The following RTN3 variants were observed in gnomAD, a reference collection of about 807,000 sequenced individuals.
RTN3 encodes the protein reticulon 3, also known as reticulon-3.
RTN3 carries 49 observed loss-of-function variants against 77.8 expected under a neutral mutation model. The observed-to-expected ratio is 0.63, with a 90% CI of 0.50 to 0.80. The LOEUF is 0.80. Among genes scored for constraint, RTN3 ranks in the 30% least tolerant of loss-of-function variants. The pLI is 0.00. For missense variants in RTN3, 1,236 were observed against 1,211.9 expected, an observed-to-expected ratio of 1.02 and a Z score of -0.29; for synonymous variants, 464 against 446.9, an observed-to-expected ratio of 1.04 and a Z score of -0.48.
rs1038484487 is a variant in RTN3, at chr11:63,733,784, G to A, written c.2530+12752G>A. Among the ~76,000 whole-genome samples, 6 of 151,666 alleles carry A rather than the reference G, an allele frequency of 4.0e-5. No individual in the cohort carries two copies. The East Asian group carries it at 5.8e-4, about 15-fold the overall frequency. On this transcript the variant is annotated intron_variant, in intron 3 of 8. Transcript: ENST00000377819. Reference sequence around the variant, plus strand: ...TGTGTGTCTGTAGTCCCAGCTACTCGGGAGGCTGAGGCAGGAGGATTGCTT... The same window carrying A: ...TGTGTGTCTGTAGTCCCAGCTACTCAGGAGGCTGAGGCAGGAGGATTGCTT...
At chr11:63,712,172 T>C (rs1178477280) in intron 2 of RTN3, among the ~76,000 whole-genome samples, 1 of 152,208 alleles carries the variant, frequency 6.6e-6, no homozygotes, top group African/African-American at 2.4e-5. Context: ...TGTCTAAAGC[T>C]CTACATGAGG....
At chr11:63,728,819 G>A (rs1214303544) in intron 3 of RTN3, among the ~76,000 whole-genome samples, 1 of 151,530 alleles carries the variant, frequency 6.6e-6, no homozygotes, top group African/African-American at 2.4e-5. Context: ...CCCAGGAGGC[G>A]GAGGTTGCAG....
chr11:63,685,920 C>G (rs2134611125), intron 1 of RTN3, among the ~76,000 whole-genome samples: 1 of 152,220 alleles, frequency 6.6e-6, no homozygotes, highest in South Asian at 2.1e-4. Context: ...ACTTTAGTGC[C>G]TTAGGTTCTA....
intron 2 of RTN3, among the ~76,000 whole-genome samples, chr11:63,710,420 AAG>A (rs1942695507): frequency 6.6e-6 from 1 of 152,142 alleles, no homozygotes; most frequent in Non-Finnish European, 1.5e-5. Context: ...CTAGGCATAA[AAG>A]AGAGAAATTT....
In RTN3 at chr11:63,719,462, A is replaced by G. The variant is rs1211759428; in HGVS notation, c.960A>G (p.Ala320=). 3 of 1,614,198 alleles carry G rather than the reference A, an allele frequency of 1.9e-6. No individual in the cohort carries two copies. In the South Asian group the frequency reaches 3.3e-5, roughly 18 times the overall value. Reference sequence around the variant, plus strand: ...GTAGGCAGTTTTCACACACAAATGCAGCACTGGAAGAGGTGTCCAGATGCG... The same window carrying G: ...GTAGGCAGTTTTCACACACAAATGCGGCACTGGAAGAGGTGTCCAGATGCG... The part of the protein sequence containing the change: ...LLSRQFSHTN[A]ALEEVSRCVN... The change falls in exon 3 of 9, where the codon GCA becomes GCG. Residue 320 remains alanine, a synonymous_variant. Transcript: ENST00000377819.
At chr11:63,696,857 TTTTCTTTCTTTC>T (rs1272351873) in intron 1 of RTN3, among the ~76,000 whole-genome samples, 2 of 92,214 alleles carry the variant, frequency 2.2e-5, no homozygotes, top group Non-Finnish European at 3.9e-5. Context: ...CCTGTTGCTA[TTTTCTTTCTTTC>T]TTTCTTTCTT....
intron 3 of RTN3, among the ~76,000 whole-genome samples, chr11:63,740,924 T>G (rs1457531845): frequency 6.6e-6 from 1 of 152,192 alleles, no homozygotes; most frequent in Non-Finnish European, 1.5e-5. Flanking sequence ...CACTTAATCC[T>G]GGCAACATCC....
At position 63,753,647 on chromosome 11, in the gene RTN3, G is replaced by T. The variant is rs764149663; in HGVS notation, c.2948-15G>T. On this transcript the variant is annotated splice_polypyrimidine_tract_variant and intron_variant, in intron 6 of 8. Transcript: ENST00000377819. ...CTCATATACACTTGCCATGTCCCAT[G>T]ATTCTGTCTTACAGCTGAACTGCTC... is the stretch of plus-strand genomic sequence containing the variant. 6 of 1,612,052 alleles carry T rather than the reference G, an allele frequency of 3.7e-6. No homozygotes were observed. The highest frequency in any genetic ancestry group is 5.1e-6 in the Non-Finnish European group (6 of 1,178,310).
At position 63,681,559 on chromosome 11, in the gene RTN3, CCGGATTATTCTATTTCCCCT is replaced by C. The variant is rs1941036627; in HGVS notation, c.-76_-57del. On this transcript the variant is annotated 5_prime_UTR_variant, in exon 1 of 9. Coordinates refer to ENST00000377819, the MANE Select transcript of RTN3 (RefSeq NM_001265589.2). ...TAAAGGGACTTGAGCGAGCCAGTTG[CCGGATTATTCTATTTCCCCT>C]CCCTCTCTCCCGCCCCGTATCTCTT... The C allele has an allele frequency of 1.4e-6, 2 of 1,421,986 alleles. No homozygotes were observed. Among genetic ancestry groups the C allele is most frequent in the South Asian group, 2.8e-5 (2 of 70,720 alleles). The allele number at this position is 1,421,986 out of a possible 1,614,324, so 88.1% of individuals were successfully genotyped here.
chr11:63,696,953 T>G (rs2134680662), intron 1 of RTN3, among the ~76,000 whole-genome samples: 1 of 134,208 alleles, frequency 7.5e-6, no homozygotes, highest in Non-Finnish European at 1.5e-5. Context: ...GGCGTGATCT[T>G]GGCTCACGGC....
intron 1 of RTN3, among the ~76,000 whole-genome samples, chr11:63,691,500 T>G (rs1941656798): frequency 6.6e-6 from 1 of 152,136 alleles, no homozygotes; most frequent in Non-Finnish European, 1.5e-5. Flanking sequence ...CAAGCGATCC[T>G]CCTGCCTTAG....
At position 63,720,115 on chromosome 11, in the gene RTN3, A is replaced by C; in HGVS notation, c.1613A>C (p.Glu538Ala). The C allele has an allele frequency of 6.2e-7, 1 of 1,613,038 alleles. No homozygotes were observed. Among genetic ancestry groups the C allele is most frequent in the Non-Finnish European group, 8.5e-7 (1 of 1,179,708 alleles). ...PSAVVKTGER[E>A]IKEIPSCERE... is the part of the protein sequence containing the mutation. Reference sequence around the variant, plus strand: ...GCTGTTGTAAAAACAGGTGAAAGAGAAATCAAAGAGATTCCCAGTTGTGAG... The same window carrying C: ...GCTGTTGTAAAAACAGGTGAAAGAGCAATCAAAGAGATTCCCAGTTGTGAG... The change falls in exon 3 of 9, where the codon GAA becomes GCA. Residue 538 changes from glutamate (E) to alanine (A), a missense_variant. Coordinates refer to ENST00000377819, the MANE Select transcript of RTN3 (RefSeq NM_001265589.2).
At chr11:63,738,449 G>C (rs150479386) in intron 3 of RTN3, among the ~76,000 whole-genome samples, 7 of 152,120 alleles carry the variant, frequency 4.6e-5, no homozygotes, top group African/African-American at 1.7e-4. Flanking sequence ...AGACCAGCGT[G>C]GGCATCAAAC....
At position 63,752,500 on chromosome 11, in the gene RTN3, C is replaced by G; in HGVS notation, c.2739-7C>G. ...AAATGTATGACTGTTATTTCTTCTT[C>G]TGGAAGAGCCTACCTGGACGTAGAC... On this transcript the variant is annotated splice_polypyrimidine_tract_variant and splice_region_variant and intron_variant, in intron 4 of 8. Transcript: ENST00000377819. The G allele has an allele frequency of 6.2e-7, 1 of 1,610,924 alleles. No individual in the cohort carries two copies. Among genetic ancestry groups the G allele is most frequent in the Non-Finnish European group, 8.5e-7 (1 of 1,177,686 alleles).
intron 2 of RTN3, among the ~76,000 whole-genome samples, chr11:63,718,390 A>G (rs990960364): frequency 1.3e-5 from 2 of 152,166 alleles, no homozygotes; most frequent in South Asian, 2.1e-4. Context: ...AGATTTCTCA[A>G]TCTTACCGCC....
At chr11:63,683,943 C>CTTTTTTTTTTTTTTTTTTTTTTTTTTTT (rs35837590) in intron 1 of RTN3, among the ~76,000 whole-genome samples, 10 of 58,946 alleles carry the variant, frequency 1.7e-4, no homozygotes, top group East Asian at 4.7e-4. Flanking sequence ...TCTTTTCTTT[C>CTTTTTTTTTTTTTTTTTTTTTTTTTTTT]TTTTTTTTTT....
rs972167330 is a variant in RTN3, at chr11:63,719,773, CTT to C, written c.1273_1274del (p.Leu425GlufsTer20). ...ATTACTGGAAAACCTGTACCTGACTCTTTGAATTCCACAAAAGAATTCAGTAT... is the reference window on the plus strand; with the variant it reads ...ATTACTGGAAAACCTGTACCTGACTCTGAATTCCACAAAAGAATTCAGTAT... On this transcript the variant is annotated frameshift_variant, in exon 3 of 9. Transcript: ENST00000377819. LOFTEE classifies it high-confidence loss of function. 7 of 1,614,030 alleles carry C rather than the reference CTT, an allele frequency of 4.3e-6. No individual in the cohort carries two copies. The highest frequency in any genetic ancestry group is 5.9e-6 in the Non-Finnish European group (7 of 1,180,048).
chr11:63,747,754 T>C (rs1292342305), intron 3 of RTN3, among the ~76,000 whole-genome samples: 1 of 152,224 alleles, frequency 6.6e-6, no homozygotes, highest in Non-Finnish European at 1.5e-5. Flanking sequence ...TCCGCTAACC[T>C]TATTTGAATT....
At chr11:63,717,375 C>CTTTTTTTT in intron 2 of RTN3, among the ~76,000 whole-genome samples, 2 of 75,164 alleles carry the variant, frequency 2.7e-5, no homozygotes, top group Non-Finnish European at 5.3e-5. Flanking sequence ...TTAACTCTGT[C>CTTTTTTTT]TTTTTTTTTT....
Sources: allele counts gnomAD v4.1 joint callset (sites outside exome capture counted in the v4.1 genomes callset), GRCh38; gene constraint gnomAD v4.1.1; transcripts MANE v1.5; gene names NCBI Gene and HGNC (gene_info 2026-07-23, HGNC 2026-07-21).